The following FBN1 variants were observed in gnomAD, a reference collection of about 807,000 sequenced individuals.
FBN1 encodes fibrillin 1.
Under a neutral mutation model 365.1 loss-of-function variants are expected in FBN1, and 29 were observed. That is an observed-to-expected ratio of 0.08 (90% confidence interval 0.06 to 0.11). The LOEUF is 0.11. Among genes scored for constraint, FBN1 ranks in the 10% least tolerant of loss-of-function variants. FBN1 has a pLI of 1.00. For missense variants in FBN1, 2,476 were observed against 3,703.2 expected, an observed-to-expected ratio of 0.67 and a Z score of 8.60; for synonymous variants, 1,210 against 1,270.5, an observed-to-expected ratio of 0.95 and a Z score of 1.01.
chr15:48,497,498 G>T, intron 18 of FBN1, 107 bp from the exon 19 acceptor site: 1 of 1,120,210 alleles, frequency 8.9e-7, no homozygotes, highest in Non-Finnish European at 1.3e-6. Flanking sequence ...GGAGCTACAG[G>T]AGGAAAAAAA....
intron 6 of FBN1, among the ~76,000 whole-genome samples, chr15:48,575,802 T>TAC (rs58125518): frequency 0.17 from 24,452 of 139,984 alleles, 2,355 homozygotes; most frequent in African/African-American, 0.29. Flanking sequence ...AAATGTGAGA[T>TAC]ACACACACAC....
At chr15:48,420,889 C>T in intron 62 of FBN1, 83 bp from the exon 63 acceptor site, 1 of 1,431,500 alleles carries the variant, frequency 7.0e-7, no homozygotes, top group South Asian at 1.2e-5. Flanking sequence ...AATCTGGCCC[C>T]TACACATCCT....
At position 48,487,104 on chromosome 15, in the gene FBN1, T is replaced by C. The variant is rs193922200; in HGVS notation, c.3560A>G (p.His1187Arg). 11 of 1,613,814 alleles carry C rather than the reference T, an allele frequency of 6.8e-6. No homozygotes were observed. The highest frequency in any genetic ancestry group is 3.3e-5 in the South Asian group (3 of 90,994). Reference protein sequence around the residue: ...KYQCACNPGYHSTPDRLFCVD... With the variant: ...KYQCACNPGYRSTPDRLFCVD... ...ACAAAATAGCCTATCGGGAGTTGAA[T>C]GGTAGCCAGGGTTGCAGGCACACTG... The change falls in exon 29 of 66, where the codon CAT (histidine) becomes CGT (arginine). Residue 1187 changes from histidine (H) to arginine (R), a missense_variant. This residue lies in a region of FBN1 where 1,780 missense variants were observed against 2,840.8 expected (regional missense o/e 0.63). Coordinates refer to ENST00000316623, the MANE Select transcript of FBN1 (RefSeq NM_000138.5).
chr15:48,583,464 G>A (rs372148169), intron 6 of FBN1, among the ~76,000 whole-genome samples: 7 of 152,262 alleles, frequency 4.6e-5, no homozygotes, highest in African/African-American at 9.6e-5. Flanking sequence ...TGACCAGGCC[G>A]TATTTGTAGA....
rs370283154 is a variant in FBN1 at position 48,428,471 on chromosome 15, T to A, written c.6872A>T (p.Asp2291Val). Residue 2291 changes from aspartate to valine, a missense_variant and splice_region_variant, in exon 57 of 66, where the codon GAT (aspartate) becomes GTT (valine). This residue lies in a region of FBN1 where 1,780 missense variants were observed against 2,840.8 expected (regional missense o/e 0.63). Coordinates refer to ENST00000316623, the MANE Select transcript of FBN1 (RefSeq NM_000138.5). ...QRRPDGEGCV[D>V]ENECQTKPGI... ...TGGCTTCGTCTGACATTCATTCTCA[T>A]CTGTTTGATTTTATTGAAGGACCAA... is the stretch of plus-strand genomic sequence containing the variant. 6.2e-7 allele frequency: 1 copy of A among 1,613,914 alleles called. No individual in the cohort carries two copies. The highest frequency in any genetic ancestry group is 1.3e-5 in the African/African-American group (1 of 74,896).
At chr15:48,466,730 T>A (rs527237633) in intron 38 of FBN1, among the ~76,000 whole-genome samples, 1 of 152,158 alleles carries the variant, frequency 6.6e-6, no homozygotes, top group Non-Finnish European at 1.5e-5. Context: ...GCTACTGTCA[T>A]TAATCTACAA....
rs2042840224 is a variant in FBN1 at position 48,409,004 on chromosome 15, A to G, written c.*1986T>C. ...TCCATAGGTGCAGCGTTAGAAGGAA[A>G]TTTTGAGTTATATTTTAATCTCTTA... On this transcript the variant is annotated 3_prime_UTR_variant, in exon 66 of 66. Transcript: ENST00000316623. The G allele has an allele frequency of 6.6e-6, 1 of 152,214 alleles. No homozygotes were observed. Among genetic ancestry groups the G allele is most frequent in the Admixed American group, 6.5e-5 (1 of 15,286 alleles). 9.4% of individuals were successfully genotyped at this position (152,214 alleles called of 1,614,324 possible).
At chr15:48,557,165 T>G (rs1409299628) in intron 6 of FBN1, among the ~76,000 whole-genome samples, 1 of 152,192 alleles carries the variant, frequency 6.6e-6, no homozygotes, top group Non-Finnish European at 1.5e-5. Flanking sequence ...AAATCTCTAT[T>G]CATTCAAGAA....
At chr15:48,449,680 T>C (rs2043185760) in intron 45 of FBN1, among the ~76,000 whole-genome samples, 1 of 152,236 alleles carries the variant, frequency 6.6e-6, no homozygotes, top group Non-Finnish European at 1.5e-5. Context: ...TTTAAAGCTC[T>C]ATGTTTAGAG....
At chr15:48,425,572 A>G (rs1033666212) in intron 59 of FBN1, 81 bp from the exon 60 acceptor site, 1 of 1,597,956 alleles carries the variant, frequency 6.3e-7, no homozygotes, top group African/African-American at 1.3e-5. Flanking sequence ...CTAACGAAGA[A>G]TTTTAGTTTC....
chr15:48,541,023 CA>C (rs1213308071), intron 6 of FBN1, among the ~76,000 whole-genome samples: 2 of 151,814 alleles, frequency 1.3e-5, no homozygotes, highest in African/African-American at 4.8e-5. Context: ...AGACACTCTA[CA>C]AAATGCTAAT....
At chr15:48,440,777 T>G (rs2043106086) in intron 50 of FBN1, among the ~76,000 whole-genome samples, 1 of 151,902 alleles carries the variant, frequency 6.6e-6, no homozygotes, top group African/African-American at 2.4e-5. Flanking sequence ...TCCAAAAGAT[T>G]AAATGACTTG....
At chr15:48,460,912 G>A (rs990551195) in intron 42 of FBN1, among the ~76,000 whole-genome samples, 1 of 151,926 alleles carries the variant, frequency 6.6e-6, no homozygotes, top group Non-Finnish European at 1.5e-5. Flanking sequence ...ACTTGAATTA[G>A]TCAAATTTAA....
intron 29 of FBN1, 84 bp downstream of exon 29, chr15:48,486,991 A>G (rs944651572): frequency 9.7e-7 from 1 of 1,026,708 alleles, no homozygotes; most frequent in Non-Finnish European, 1.3e-6. Flanking sequence ...GAGATGAAAT[A>G]AAATAAAATA....
intron 12 of FBN1, among the ~76,000 whole-genome samples, chr15:48,514,079 T>C (rs2043782692): frequency 1.3e-5 from 2 of 152,150 alleles, no homozygotes. Context: ...CCCTGCTGAG[T>C]TCCACTAAAA....
At chr15:48,491,915 G>C (rs1421169263) in intron 24 of FBN1, among the ~76,000 whole-genome samples, 2 of 152,190 alleles carry the variant, frequency 1.3e-5, no homozygotes, top group African/African-American at 4.8e-5. Context: ...TAAGGACTTA[G>C]GGTTGGGGTG....
At chr15:48,472,458 TAAAAAAAAAAA>T (rs67860867) in intron 35 of FBN1, 82 bp downstream of exon 35, 2 of 1,181,608 alleles carry the variant, frequency 1.7e-6, no homozygotes, top group Non-Finnish European at 1.2e-6. Flanking sequence ...CACCTCAGTT[TAAAAAAAAAAA>T]AAAAAAAAAG....
At chr15:48,639,289 G>A (rs1461189956) in intron 2 of FBN1, among the ~76,000 whole-genome samples, 1 of 152,210 alleles carries the variant, frequency 6.6e-6, no homozygotes, top group Non-Finnish European at 1.5e-5. Flanking sequence ...AGCTTGTAGA[G>A]TGGCTATGAG....
At chr15:48,603,647 A>G (rs1381370896) in intron 4 of FBN1, among the ~76,000 whole-genome samples, 1 of 152,206 alleles carries the variant, frequency 6.6e-6, no homozygotes, top group African/African-American at 2.4e-5. Context: ...AAAAAAGCCA[A>G]CTGAAACCTA....
Sources: allele counts gnomAD v4.1 joint callset (sites outside exome capture counted in the v4.1 genomes callset), GRCh38; gene constraint gnomAD v4.1.1; regional missense constraint gnomAD v4.1.1; transcripts MANE v1.5; gene names NCBI Gene and HGNC (gene_info 2026-07-23, HGNC 2026-07-21).